The following EYS variants were observed in gnomAD, a reference collection of about 807,000 sequenced individuals.
The protein encoded by EYS is protein eyes shut homolog.
Under a neutral mutation model 282.1 loss-of-function variants are expected in EYS, and 250 were observed. That is an observed-to-expected ratio of 0.89 (90% CI 0.80 to 0.98). EYS has a LOEUF of 0.98. Ranked by LOEUF, EYS falls within the 50% of genes least tolerant of loss-of-function variation. The pLI, the probability that EYS is intolerant of heterozygous loss-of-function variation, is 0.00. For synonymous variants in EYS, 1,355 were observed against 1,282.9 expected (o/e 1.06, Z -1.20); for missense variants, 4,016 against 3,709.0 (o/e 1.08, Z -2.15).
Position 64,081,860 on chromosome 6 carries a change from A to G in EYS, c.6567T>C (p.Leu2189=). ...IKTNSLNGTI[L]YSNGNNCGKQ... Reference sequence around the variant, plus strand: ...AGTCAAACATTTAATACTCACTGTAAAGAATAGTTCCATTTAAACTGTTTG... The same window carrying G: ...AGTCAAACATTTAATACTCACTGTAGAGAATAGTTCCATTTAAACTGTTTG... The change falls in exon 32 of 43, where the codon CTT becomes CTC. Residue 2189 remains leucine, a synonymous_variant. Coordinates refer to ENST00000503581, the MANE Select transcript of EYS (RefSeq NM_001142800.2). 1 of 1,523,312 alleles carries G rather than the reference A, an allele frequency of 6.6e-7. No individual in the cohort carries two copies. Among genetic ancestry groups the G allele is most frequent in the Non-Finnish European group, 8.9e-7 (1 of 1,126,936 alleles). 94.4% of individuals were successfully genotyped at this position (1,523,312 alleles called of 1,614,324 possible). A position where few individuals can be genotyped will look rare whatever the true frequency, so the allele number is the denominator to read the frequency against.
chr6:64,211,739 G>A lies in EYS; in HGVS notation c.6424+18853C>T, dbSNP rs1011919259. On this transcript the variant is annotated intron_variant, in intron 31 of 42. Coordinates refer to ENST00000503581, the MANE Select transcript of EYS (RefSeq NM_001142800.2). ...TTATATATGTTTATATATATAAAATGTATCCATAGATGTTTACAGCCTTTT... is the reference window on the plus strand; with the variant it reads ...TTATATATGTTTATATATATAAAATATATCCATAGATGTTTACAGCCTTTT... 2.7e-5 allele frequency among the ~76,000 whole-genome samples: 4 copies of A among 149,596 alleles called. No homozygotes were observed. The East Asian group carries it at 7.8e-4, about 29-fold the overall frequency.
intron 29 of EYS, among the ~76,000 whole-genome samples, chr6:64,339,178 G>A (rs548424916): frequency 6.6e-6 from 1 of 151,818 alleles, no homozygotes; most frequent in South Asian, 2.1e-4. Flanking sequence ...GGAACAGTCA[G>A]CAGAGTAAAC....
intron 31 of EYS, among the ~76,000 whole-genome samples, chr6:64,156,305 A>C (rs966786712): frequency 2.2e-4 from 34 of 152,096 alleles, no homozygotes; most frequent in African/African-American, 8.2e-4. Flanking sequence ...TGCCACCACC[A>C]CGTAAGAAGT....
intron 36 of EYS, among the ~76,000 whole-genome samples, chr6:63,833,799 A>G (rs1415621770): frequency 6.6e-6 from 1 of 152,230 alleles, no homozygotes; most frequent in Non-Finnish European, 1.5e-5. Context: ...ACGCTACAGG[A>G]CTTCAAACTA....
chr6:64,703,060 T>C (rs1461970166), intron 22 of EYS, among the ~76,000 whole-genome samples: 1 of 152,008 alleles, frequency 6.6e-6, no homozygotes, highest in Non-Finnish European at 1.5e-5. Flanking sequence ...GAAATTTTGC[T>C]GTAATCACAA....
At chr6:65,120,459 G>GC in intron 12 of EYS, among the ~76,000 whole-genome samples, 2 of 11,144 alleles carry the variant, frequency 1.8e-4, no homozygotes, top group African/African-American at 4.1e-4. Flanking sequence ...CTTTAAATAA[G>GC]CAAAAAAAAA....
At chr6:65,456,257 T>C (rs2012790) in intron 5 of EYS, among the ~76,000 whole-genome samples, 54,921 of 151,582 alleles carry the variant, frequency 0.36, 10,166 homozygotes, top group Middle Eastern at 0.47. Flanking sequence ...GCGAGACCAT[T>C]CTGGCCAACA....
At chr6:64,092,278 G>A (rs1772394406) in intron 31 of EYS, among the ~76,000 whole-genome samples, 1 of 152,174 alleles carries the variant, frequency 6.6e-6, no homozygotes, top group Non-Finnish European at 1.5e-5. Context: ...GTAATGGGAT[G>A]GGTGGGTCAA....
chr6:64,777,820 T>A (rs1773726436), intron 22 of EYS, among the ~76,000 whole-genome samples: 1 of 152,110 alleles, frequency 6.6e-6, no homozygotes, highest in South Asian at 2.1e-4. Flanking sequence ...TGCCATGAAT[T>A]TGAAAATAAT....
At chr6:65,552,636 A>G (rs1049106080) in intron 2 of EYS, among the ~76,000 whole-genome samples, 6 of 152,170 alleles carry the variant, frequency 3.9e-5, no homozygotes, top group African/African-American at 1.4e-4. Flanking sequence ...GTGCAGATGC[A>G]TTCTCTCTGG....
chr6:64,748,187 A>C (rs946860035), intron 22 of EYS, among the ~76,000 whole-genome samples: 1 of 152,228 alleles, frequency 6.6e-6, no homozygotes, highest in Non-Finnish European at 1.5e-5. Context: ...TACATATTTA[A>C]AGACATGTGA....
intron 30 of EYS, among the ~76,000 whole-genome samples, chr6:64,295,132 T>C (rs1235258916): frequency 2.6e-5 from 4 of 151,194 alleles, no homozygotes; most frequent in Non-Finnish European, 5.9e-5. Flanking sequence ...CCCAGCACTT[T>C]AGGAGGCCGA....
rs557647175 is a variant in EYS at position 63,822,694 on chromosome 6, C to CA, written c.7229-16323dup. ...TTTCTCATTAAAGTTATACAACCAA[C>CA]AAAAATAGATTTGTATCTTCTTTTC... On this transcript the variant is annotated intron_variant, in intron 36 of 42. Transcript: ENST00000503581. The CA allele has an allele frequency of 2.4e-4, 36 of 152,276 alleles. 1 individual carries two copies. The South Asian group carries it at 6.2e-3, about 26-fold the overall frequency. 9.4% of individuals were successfully genotyped at this position (152,276 alleles called of 1,614,324 possible).
chr6:65,410,143 C>T (rs1049939279), intron 5 of EYS, among the ~76,000 whole-genome samples: 3 of 151,962 alleles, frequency 2.0e-5, no homozygotes, highest in African/African-American at 7.2e-5. Context: ...TTGAATGATA[C>T]TACCTTATAA....
chr6:65,199,284 C>G (rs1765843550), intron 12 of EYS, among the ~76,000 whole-genome samples: 1 of 152,184 alleles, frequency 6.6e-6, no homozygotes, highest in South Asian at 2.1e-4. Flanking sequence ...GCTTCCACTG[C>G]AAAGTCAAAA....
At chr6:65,058,722 C>T (rs917942973) in intron 12 of EYS, among the ~76,000 whole-genome samples, 1 of 150,774 alleles carries the variant, frequency 6.6e-6, no homozygotes, top group African/African-American at 2.4e-5. Context: ...ACTTGTTTTG[C>T]TAAAGCTGAC....
intron 2 of EYS, among the ~76,000 whole-genome samples, chr6:65,587,244 C>T (rs541158764): frequency 1.3e-5 from 2 of 152,012 alleles, no homozygotes; most frequent in East Asian, 1.9e-4. Flanking sequence ...TGGAGATAGC[C>T]GAAGAGAACT....
rs968971725 is a variant in EYS at position 64,945,790 on chromosome 6, C to T, written c.2381+3G>A. 1.1e-5 allele frequency: 17 copies of T among 1,548,594 alleles called. No homozygotes were observed. Among genetic ancestry groups the T allele is most frequent in the African/African-American group, 2.7e-5 (2 of 72,856 alleles). ...TGAAGAAAGCTAAAAATATGTTACT[C>T]ACCGATAGCTTTTGTAAAGGTCAGT... is the stretch of plus-strand genomic sequence containing the variant. On this transcript the variant is annotated splice_donor_region_variant and intron_variant, in intron 15 of 42. Transcript: ENST00000503581.
At chr6:63,865,530 C>T (rs1242161108) in intron 35 of EYS, among the ~76,000 whole-genome samples, 1 of 151,778 alleles carries the variant, frequency 6.6e-6, no homozygotes. Context: ...TAGGAGTTTA[C>T]ATCTTATCTT....
Sources: allele counts gnomAD v4.1 joint callset (sites outside exome capture counted in the v4.1 genomes callset), GRCh38; gene constraint gnomAD v4.1.1; transcripts MANE v1.5; gene names NCBI Gene and HGNC (gene_info 2026-07-23, HGNC 2026-07-21).